PTPRD: variants seen among roughly 807,000 people sequenced by gnomAD.
PTPRD encodes protein tyrosine phosphatase receptor type D.
In PTPRD, 34 loss-of-function variants were observed where a neutral mutation model predicts 214.5. That is an observed-to-expected ratio of 0.16 (90% CI 0.12 to 0.21). The LOEUF is 0.21. PTPRD is among the 10% of genes least tolerant of loss of function. The pLI is 1.00. For missense variants in PTPRD, 2,545 were observed against 2,398.7 expected (o/e 1.06, Z -1.27); for synonymous variants, 1,128 against 845.7 (o/e 1.33, Z -5.79).
intron 4 of PTPRD, among the ~76,000 whole-genome samples, chr9:10,005,136 G>A (rs926648584): frequency 6.6e-6 from 1 of 151,910 alleles, no homozygotes; most frequent in Admixed American, 6.6e-5. Flanking sequence ...CCCATTTAAA[G>A]GTCATTGTAT....
intron 3 of PTPRD, among the ~76,000 whole-genome samples, chr9:10,255,303 A>G (rs2093164382): frequency 6.6e-6 from 1 of 152,208 alleles, no homozygotes; most frequent in Non-Finnish European, 1.5e-5. Context: ...CTACACACCT[A>G]GGCTATACAG....
At chr9:9,763,837 T>G (rs934871475) in intron 6 of PTPRD, among the ~76,000 whole-genome samples, 2 of 152,150 alleles carry the variant, frequency 1.3e-5, no homozygotes, top group African/African-American at 4.8e-5. Flanking sequence ...CAGAAAGAAT[T>G]GAAAATTATA....
At chr9:8,810,063 C>T (rs1394813478) in intron 11 of PTPRD, among the ~76,000 whole-genome samples, 2 of 152,176 alleles carry the variant, frequency 1.3e-5, no homozygotes, top group Admixed American at 1.3e-4. Flanking sequence ...ATATGACAAA[C>T]ATATGCCCCA....
intron 11 of PTPRD, among the ~76,000 whole-genome samples, chr9:8,816,041 C>T (rs191664229): frequency 6.6e-6 from 1 of 152,272 alleles, no homozygotes; most frequent in African/African-American, 2.4e-5. Context: ...TTAGGGTTTA[C>T]AGCAATTCCA....
chr9:9,448,582 A>C (rs910498839), intron 8 of PTPRD, among the ~76,000 whole-genome samples: 1 of 152,082 alleles, frequency 6.6e-6, no homozygotes, highest in African/African-American at 2.4e-5. Flanking sequence ...TAAATAACCC[A>C]GTCTTTGTAT....
At chr9:8,443,910 T>G (rs2095633148) in intron 34 of PTPRD, among the ~76,000 whole-genome samples, 1 of 151,110 alleles carries the variant, frequency 6.6e-6, no homozygotes. Flanking sequence ...TTTGTTTGGT[T>G]TTCTTATATA....
At chr9:8,572,108 T>G (rs1408142293) in intron 14 of PTPRD, among the ~76,000 whole-genome samples, 2 of 152,116 alleles carry the variant, frequency 1.3e-5, no homozygotes, top group Non-Finnish European at 2.9e-5. Flanking sequence ...CAGGTAGCAC[T>G]CAAAGAGCTC....
chr9:9,242,163 A>C, intron 9 of PTPRD, among the ~76,000 whole-genome samples: 1 of 152,142 alleles, frequency 6.6e-6, no homozygotes, highest in Non-Finnish European at 1.5e-5. Context: ...AAGAATGTTG[A>C]ATATTGGTAC....
rs557342093 is a variant in PTPRD, at chr9:9,350,277, G to C, written c.-203+47172C>G. On this transcript the variant is annotated intron_variant, in intron 9 of 45. Transcript: ENST00000381196. Reference sequence around the variant, plus strand: ...ATTCTGACCTTTATACAATTAGAAAGCTCAGAAGCAAATAAGCAGCCTAAC... The same window carrying C: ...ATTCTGACCTTTATACAATTAGAAACCTCAGAAGCAAATAAGCAGCCTAAC... Among the ~76,000 whole-genome samples the C allele has an allele frequency of 1.4e-4, 22 of 152,160 alleles. 2 individuals are homozygous for C. Among genetic ancestry groups the C allele is most frequent in the African/African-American group, 5.3e-4 (22 of 41,558 alleles).
At chr9:10,065,192 A>AAAGAAAGAAAGAAAG (rs1567445453) in intron 3 of PTPRD, among the ~76,000 whole-genome samples, 1 of 143,994 alleles carries the variant, frequency 6.9e-6, no homozygotes. Flanking sequence ...AGAAAGAAAG[A>AAAGAAAGAAAGAAAG]AAAGGATGCT....
rs1473591990 is a variant in PTPRD, at chr9:9,976,119, G to T, written c.-471-37509C>A. On this transcript the variant is annotated intron_variant, in intron 4 of 45. Transcript: ENST00000381196. Reference sequence around the variant, plus strand: ...ATTCATTTTAAGTGGAACATTTTCAGATCCCCCACATCCATATACATCCAT... The same window carrying T: ...ATTCATTTTAAGTGGAACATTTTCATATCCCCCACATCCATATACATCCAT... 2.6e-5 allele frequency among the ~76,000 whole-genome samples: 4 copies of T among 152,098 alleles called. No homozygotes were observed. The East Asian group carries it at 7.7e-4, about 29-fold the overall frequency.
chr9:8,770,174 G>A (rs184038271), intron 11 of PTPRD, among the ~76,000 whole-genome samples: 137 of 152,082 alleles, frequency 9.0e-4, no homozygotes, highest in Middle Eastern at 3.4e-3. Context: ...CCAGCTACTC[G>A]GGGGGCTGAG....
intron 2 of PTPRD, among the ~76,000 whole-genome samples, chr9:10,381,425 C>T (rs1268696854): frequency 6.6e-6 from 1 of 151,974 alleles, no homozygotes; most frequent in African/African-American, 2.4e-5. Flanking sequence ...TGACTGCAGC[C>T]AACTGGCTTG....
At chr9:10,184,058 A>G (rs1331139456) in intron 3 of PTPRD, among the ~76,000 whole-genome samples, 1 of 152,204 alleles carries the variant, frequency 6.6e-6, no homozygotes, top group Non-Finnish European at 1.5e-5. Flanking sequence ...CTATTTAAGG[A>G]AAGAATCATA....
chr9:8,759,889 T>C (rs2094298275), intron 11 of PTPRD, among the ~76,000 whole-genome samples: 1 of 152,206 alleles, frequency 6.6e-6, no homozygotes, highest in South Asian at 2.1e-4. Context: ...CGTGTTTGTT[T>C]GTATGCTTCG....
chr9:8,983,610 G>A (rs1337484733), intron 11 of PTPRD, among the ~76,000 whole-genome samples: 3 of 151,104 alleles, frequency 2.0e-5, no homozygotes, highest in Admixed American at 1.3e-4. Context: ...CTGGGCTCAA[G>A]CAATCCTCCT....
At chr9:10,596,253 T>C (rs2076598226) in intron 2 of PTPRD, among the ~76,000 whole-genome samples, 1 of 151,738 alleles carries the variant, frequency 6.6e-6, no homozygotes, top group African/African-American at 2.4e-5. Flanking sequence ...TCAGGTTCTT[T>C]AATAAGACAG....
chr9:8,647,741 A>G (rs188972362), intron 12 of PTPRD, among the ~76,000 whole-genome samples: 1 of 152,244 alleles, frequency 6.6e-6, no homozygotes, highest in African/African-American at 2.4e-5. Context: ...TCATAGCAGC[A>G]ATGTGTCAGA....
At chr9:8,795,694 A>G (rs1173378906) in intron 11 of PTPRD, among the ~76,000 whole-genome samples, 1 of 152,178 alleles carries the variant, frequency 6.6e-6, no homozygotes, top group Admixed American at 6.5e-5. Context: ...TCCTTTTAAG[A>G]CAGTCCAAAA....
Sources: gnomAD v4.1 joint callset for allele counts (sites outside exome capture counted in the v4.1 genomes callset) on GRCh38, gnomAD v4.1.1 for gene constraint, MANE v1.5 for transcripts, NCBI Gene and HGNC (gene_info 2026-07-23, HGNC 2026-07-21) for gene names.